Variants in RBFOX1 observed in about 807,000 individuals in gnomAD.
RBFOX1 encodes RNA binding fox-1 homolog 1.
A neutral mutation model predicts 57.7 loss-of-function variants in RBFOX1; 8 were observed. The observed-to-expected ratio is 0.14, with a 90% CI of 0.08 to 0.25. The LOEUF is 0.25. RBFOX1 is among the 10% of genes least tolerant of loss of function. The pLI, the probability that RBFOX1 is intolerant of heterozygous loss-of-function variation, is 1.00. For synonymous variants in RBFOX1, 326 were observed against 222.4 expected, an observed-to-expected ratio of 1.47 and a Z score of -4.15; for missense variants, 611 against 548.5, an observed-to-expected ratio of 1.11 and a Z score of -1.14.
intron 4 of RBFOX1, among the ~76,000 whole-genome samples, chr16:7,120,052 G>A (rs2066769842): frequency 6.6e-6 from 1 of 151,784 alleles, no homozygotes; most frequent in African/African-American, 2.4e-5. Flanking sequence ...AAATAAACTG[G>A]AAAAAATCTA....
chr16:7,077,846 A>T (rs112531978), intron 4 of RBFOX1, among the ~76,000 whole-genome samples: 1 of 152,108 alleles, frequency 6.6e-6, no homozygotes, highest in African/African-American at 2.4e-5. Context: ...GCTACAACCA[A>T]TTTCTCCCAG....
chr16:7,548,279 C>G (rs2085201892), intron 5 of RBFOX1, among the ~76,000 whole-genome samples: 1 of 152,248 alleles, frequency 6.6e-6, no homozygotes, highest in Non-Finnish European at 1.5e-5. Flanking sequence ...TCACGTGCCT[C>G]CTGAATAGCT....
At chr16:6,869,572 T>C (rs2060516372) in intron 3 of RBFOX1, among the ~76,000 whole-genome samples, 1 of 152,080 alleles carries the variant, frequency 6.6e-6, no homozygotes, top group African/African-American at 2.4e-5. Context: ...TTAATTTCTG[T>C]GCAGAGTAGG....
intron 3 of RBFOX1, among the ~76,000 whole-genome samples, chr16:6,788,616 C>T (rs2082370994): frequency 6.6e-6 from 1 of 151,972 alleles, no homozygotes; most frequent in Non-Finnish European, 1.5e-5. Flanking sequence ...GCTGGAACTA[C>T]AGGTGCCTAC....
intron 3 of RBFOX1, among the ~76,000 whole-genome samples, chr16:6,930,385 C>T (rs1301883763): frequency 6.6e-6 from 1 of 152,110 alleles, no homozygotes; most frequent in African/African-American, 2.4e-5. Context: ...GATACCACCT[C>T]ACACCCATCA....
chr16:7,409,309 A>G (rs1456855622), intron 4 of RBFOX1, among the ~76,000 whole-genome samples: 2 of 152,358 alleles, frequency 1.3e-5, no homozygotes, highest in African/African-American at 4.8e-5. Context: ...ACCGTTCAGT[A>G]ACAGTTCACT....
intron 3 of RBFOX1, among the ~76,000 whole-genome samples, chr16:5,826,948 A>T (rs1342814415): frequency 6.6e-6 from 1 of 152,184 alleles, no homozygotes; most frequent in African/African-American, 2.4e-5. Flanking sequence ...TATTCCAGAA[A>T]ACAGTTGTGT....
intron 1 of RBFOX1, among the ~76,000 whole-genome samples, chr16:5,258,881 A>C (rs1260653071): frequency 6.6e-6 from 1 of 152,036 alleles, no homozygotes; most frequent in African/African-American, 2.4e-5. Flanking sequence ...GCACCACTGC[A>C]CACCAGCCTG....
chr16:6,968,556 C>T (rs923989240), intron 3 of RBFOX1, among the ~76,000 whole-genome samples: 1 of 152,176 alleles, frequency 6.6e-6, no homozygotes, highest in South Asian at 2.1e-4. Flanking sequence ...GGAAGTCTGG[C>T]AGGGAAAGTC....
At chr16:6,024,528 T>G (rs1054429012) in intron 1 of RBFOX1, among the ~76,000 whole-genome samples, 1 of 152,090 alleles carries the variant, frequency 6.6e-6, no homozygotes, top group African/African-American at 2.4e-5. Flanking sequence ...TCACGTTGTA[T>G]CCCAGGCTGT....
chr16:6,431,898 TTTCTTTC>T (rs1567258007), intron 2 of RBFOX1, among the ~76,000 whole-genome samples: 8 of 47,614 alleles, frequency 1.7e-4, no homozygotes, highest in African/African-American at 5.9e-4. Flanking sequence ...GCTTGCTTGC[TTTCTTTC>T]TTTCTTTCTT....
At chr16:7,150,707 T>A (rs2075946575) in intron 4 of RBFOX1, among the ~76,000 whole-genome samples, 2 of 152,232 alleles carry the variant, frequency 1.3e-5, no homozygotes, top group Non-Finnish European at 2.9e-5. Flanking sequence ...AAAGATTGTT[T>A]GGATATCAGC....
intron 1 of RBFOX1, among the ~76,000 whole-genome samples, chr16:5,428,629 T>G (rs1478461848): frequency 6.6e-6 from 1 of 151,958 alleles, no homozygotes; most frequent in African/African-American, 2.4e-5. Flanking sequence ...CTGGGAAGGC[T>G]TCTTGGAGGA....
chr16:5,406,185 C>A (rs12930277), intron 1 of RBFOX1, among the ~76,000 whole-genome samples: 19,260 of 152,104 alleles, frequency 0.13, 1,423 homozygotes, highest in Non-Finnish European at 0.16. Context: ...ATACATGATG[C>A]CCAGATAGCT....
intron 3 of RBFOX1, among the ~76,000 whole-genome samples, chr16:6,959,798 G>A (rs1359345583): frequency 6.6e-6 from 1 of 152,138 alleles, no homozygotes; most frequent in African/African-American, 2.4e-5. Flanking sequence ...TTAGCCGGGT[G>A]TGTTGGCAGG....
Position 6,813,367 on chromosome 16 carries a change from G to A in RBFOX1, c.-16+158717G>A, listed in dbSNP as rs148630822. Among the ~76,000 whole-genome samples the A allele has an allele frequency of 5.5e-3, 843 of 152,200 alleles. 10 individuals are homozygous for A. Among genetic ancestry groups the A allele is most frequent in the African/African-American group, 0.018 (762 of 41,548 alleles). On this transcript the variant is annotated intron_variant, in intron 3 of 15. Transcript: ENST00000550418. ...TAACTGCCTTCAGAAGCTGCTGCTT[G>A]TTGCAATTCCCATCTTGAGAATGCT...
At chr16:7,620,295 A>C (rs562942772) in intron 10 of RBFOX1, among the ~76,000 whole-genome samples, 18 of 152,344 alleles carry the variant, frequency 1.2e-4, no homozygotes, top group East Asian at 7.7e-4. Context: ...TCTATTTGAC[A>C]GATGTAACCA....
chr16:6,337,752 T>A (rs1463820770), intron 2 of RBFOX1, among the ~76,000 whole-genome samples: 1 of 152,174 alleles, frequency 6.6e-6, no homozygotes, highest in Non-Finnish European at 1.5e-5. Flanking sequence ...ATAAAAGTAT[T>A]AAAGTGACAG....
chr16:5,428,347 T>C (rs1716670412), intron 1 of RBFOX1, among the ~76,000 whole-genome samples: 1 of 151,448 alleles, frequency 6.6e-6, no homozygotes, highest in South Asian at 2.1e-4. Context: ...ACATGTAGAG[T>C]TGGGTAAATG....
Sources: allele counts gnomAD v4.1 joint callset (sites outside exome capture counted in the v4.1 genomes callset), GRCh38; gene constraint gnomAD v4.1.1; transcripts MANE v1.5; gene names NCBI Gene and HGNC (gene_info 2026-07-23, HGNC 2026-07-21).